MTRF1: variants seen among roughly 807,000 people sequenced by gnomAD.
The protein encoded by MTRF1 is mitochondrial translation release factor 1.
MTRF1 carries 51 observed loss-of-function variants against 62.9 expected under a neutral mutation model. That is an observed-to-expected ratio of 0.81 (90% CI 0.65 to 1.02). MTRF1 has a LOEUF of 1.02. MTRF1 is among the 50% of genes least tolerant of loss of function. MTRF1 has a pLI of 0.00. For synonymous variants in MTRF1, 158 were observed against 181.9 expected (o/e 0.87, Z 1.06); for missense variants, 446 against 530.0 (o/e 0.84, Z 1.56).
intron 1 of MTRF1, 80 bp downstream of exon 1, chr13:41,263,405 T>G: frequency 1.5e-6 from 1 of 678,342 alleles, no homozygotes. Flanking sequence ...AACCATGCTG[T>G]GTAACTCAGT....
At chr13:41,263,957 C>T (rs1015975142), upstream of MTRF1, among the ~76,000 whole-genome samples, 2 of 152,132 alleles carry the variant, frequency 1.3e-5, no homozygotes, top group African/African-American at 2.4e-5. Context: ...TGGTTTTCAC[C>T]GTTAACTGCA....
intron 7 of MTRF1, among the ~76,000 whole-genome samples, chr13:41,230,086 A>G (rs572752549): frequency 5.3e-4 from 81 of 151,944 alleles, no homozygotes; most frequent in African/African-American, 1.9e-3. Flanking sequence ...CCTGAGTGAC[A>G]GAGCTAGACT....
chr13:41,294,810 G>C, the MTRF1 span, among the ~76,000 whole-genome samples: 1 of 152,150 alleles, frequency 6.6e-6, no homozygotes, highest in African/African-American at 2.4e-5. Flanking sequence ...ATGTGATCAG[G>C]TTGGCTATAA....
the MTRF1 span, among the ~76,000 whole-genome samples, chr13:41,283,825 C>T: frequency 6.6e-6 from 1 of 151,916 alleles, no homozygotes; most frequent in East Asian, 1.9e-4. Flanking sequence ...GATCCACCCG[C>T]CTCGGCCTCC....
chr13:41,236,655 T>G (rs1359802061), intron 6 of MTRF1: 2 of 152,234 alleles, frequency 1.3e-5, no homozygotes, highest in African/African-American at 4.8e-5. Flanking sequence ...TAGAGTTGGC[T>G]GCCTTAAGAC....
chr13:41,291,991 C>T, the MTRF1 span, among the ~76,000 whole-genome samples: 1 of 152,156 alleles, frequency 6.6e-6, no homozygotes, highest in Non-Finnish European at 1.5e-5. Flanking sequence ...AGATCAAAAT[C>T]TTGAGCTTGG....
chr13:41,269,054 A>G, the MTRF1 span, among the ~76,000 whole-genome samples: 92,330 of 148,838 alleles, frequency 0.62, 29,031 homozygotes, highest in Admixed American at 0.65. Context: ...TTTAGTCTAG[A>G]ACTAAATTTA....
the MTRF1 span, among the ~76,000 whole-genome samples, chr13:41,300,542 G>A: frequency 4.6e-5 from 7 of 150,848 alleles, no homozygotes; most frequent in South Asian, 4.2e-4. Context: ...GCTGAGATCC[G>A]GCCACTGCAC....
At chr13:41,219,299 A>C (rs2032689311) in intron 9 of MTRF1, among the ~76,000 whole-genome samples, 7 of 152,120 alleles carry the variant, frequency 4.6e-5, no homozygotes, top group Admixed American at 4.6e-4. Context: ...TCAAAAAAAA[A>C]AAAAAAAATG....
At chr13:41,244,073 C>T (rs959125256) in intron 5 of MTRF1, among the ~76,000 whole-genome samples, 2 of 152,180 alleles carry the variant, frequency 1.3e-5, no homozygotes, top group African/African-American at 2.4e-5. Context: ...TGCTATCTCT[C>T]ATTTCAGTTG....
the MTRF1 span, among the ~76,000 whole-genome samples, chr13:41,272,168 G>A: frequency 1.3e-5 from 2 of 152,176 alleles, no homozygotes; most frequent in Non-Finnish European, 2.9e-5. Context: ...AGAACAATCT[G>A]CTCATGACTC....
chr13:41,242,494 A>G (rs1265352588), intron 5 of MTRF1, among the ~76,000 whole-genome samples: 1 of 152,188 alleles, frequency 6.6e-6, no homozygotes, highest in Admixed American at 6.5e-5. Flanking sequence ...AGGGTTGTCC[A>G]CTACTACTGG....
At position 41,249,619 on chromosome 13, in the gene MTRF1, C is replaced by T. The variant is rs139997248; in HGVS notation, c.697+3026G>A. Reference sequence around the variant, plus strand: ...TATTCTTAGTCTTTGATTTTTTTTTCTTTTTTTTTTTTTTTTTTTTTTTTT... The same window carrying T: ...TATTCTTAGTCTTTGATTTTTTTTTTTTTTTTTTTTTTTTTTTTTTTTTTT... On this transcript the variant is annotated intron_variant, in intron 5 of 9. Transcript: ENST00000379480. Among the ~76,000 whole-genome samples, 468 of 61,504 alleles carry T rather than the reference C, an allele frequency of 7.6e-3. 1 individual carries two copies. Among genetic ancestry groups the T allele is most frequent in the Middle Eastern group, 0.034 (2 of 58 alleles). 40.3% of individuals were successfully genotyped at this position (61,504 alleles called of 152,430 possible).
chr13:41,268,361 T>C (rs1053108394), upstream of MTRF1, among the ~76,000 whole-genome samples: 1 of 152,216 alleles, frequency 6.6e-6, no homozygotes, highest in Non-Finnish European at 1.5e-5. Context: ...ACTTAATTTA[T>C]AATTTGATTT....
the MTRF1 span, among the ~76,000 whole-genome samples, chr13:41,296,521 T>C: frequency 6.6e-6 from 1 of 152,236 alleles, no homozygotes; most frequent in Non-Finnish European, 1.5e-5. Context: ...AGAATGTATC[T>C]CTCATTTTGT....
At chr13:41,280,512 G>C in the MTRF1 span, among the ~76,000 whole-genome samples, 1 of 152,154 alleles carries the variant, frequency 6.6e-6, no homozygotes, top group African/African-American at 2.4e-5. Context: ...ACGGGCTGTG[G>C]TCACTAATAT....
intron 5 of MTRF1, among the ~76,000 whole-genome samples, chr13:41,250,457 C>A (rs1372652242): frequency 6.6e-6 from 1 of 152,050 alleles, no homozygotes; most frequent in Non-Finnish European, 1.5e-5. Context: ...TCTGTTGTCT[C>A]ACCAAAGATC....
rs907158224 is a variant in MTRF1 at position 41,263,001 on chromosome 13, A to G, written c.-9+484T>C. On this transcript the variant is annotated intron_variant, in intron 1 of 9. Transcript: ENST00000379480. Reference sequence around the variant, plus strand: ...CTGATAGATTTTAGGATACTGCATCACATTATTAAAAGAACTGTTGAAGAA... The same window carrying G: ...CTGATAGATTTTAGGATACTGCATCGCATTATTAAAAGAACTGTTGAAGAA... 3.9e-5 allele frequency among the ~76,000 whole-genome samples: 6 copies of G among 152,352 alleles called. No individual in the cohort carries two copies. In the South Asian group the frequency reaches 8.3e-4, roughly 21 times the overall value.
In MTRF1 at chr13:41,223,761, C is replaced by T. The variant is rs543183797; in HGVS notation, c.1126-407G>A. 5.9e-5 allele frequency among the ~76,000 whole-genome samples: 9 copies of T among 152,232 alleles called. No individual in the cohort carries two copies. The South Asian group carries it at 1.0e-3, about 18-fold the overall frequency. On this transcript the variant is annotated intron_variant, in intron 8 of 9. Transcript: ENST00000379480. ...CAGGCTTTGACAAAGATGCACACGGCGGGAGAGACCATCTTCAGTTCATCC... is the reference window on the plus strand; with the variant it reads ...CAGGCTTTGACAAAGATGCACACGGTGGGAGAGACCATCTTCAGTTCATCC...
Sources: gnomAD v4.1 joint callset for allele counts (sites outside exome capture counted in the v4.1 genomes callset) on GRCh38, gnomAD v4.1.1 for gene constraint, MANE v1.5 for transcripts, NCBI Gene and HGNC (gene_info 2026-07-23, HGNC 2026-07-21) for gene names.